The following CPT1A variants were observed in gnomAD, a reference collection of about 807,000 sequenced individuals.
CPT1A encodes the protein carnitine palmitoyltransferase 1A.
CPT1A carries 64 observed loss-of-function variants against 100.8 expected under a neutral mutation model. The ratio of observed to expected loss-of-function variants is 0.63; its 90% confidence interval spans 0.52 to 0.78. The LOEUF (loss-of-function observed/expected upper bound fraction) is 0.78, where lower values mean the gene tolerates loss of function less well. Ranked by LOEUF, CPT1A falls within the 30% of genes least tolerant of loss-of-function variation. The pLI, the probability that CPT1A is intolerant of heterozygous loss-of-function variation, is 0.00. For synonymous variants in CPT1A, 363 were observed against 396.0 expected (o/e 0.92, Z 0.99); for missense variants, 802 against 1,034.1 (o/e 0.78, Z 3.08).
intron 1 of CPT1A, among the ~76,000 whole-genome samples, chr11:68,840,055 GCT>G: frequency 6.6e-6 from 1 of 152,178 alleles, no homozygotes; most frequent in Non-Finnish European, 1.5e-5. Flanking sequence ...CAAGGTCTAG[GCT>G]AGCAATGCTT....
upstream of CPT1A, chr11:68,841,926 G>T: frequency 1.0e-6 from 1 of 984,748 alleles, no homozygotes; most frequent in Non-Finnish European, 1.2e-6. This position sits in a 1 kb window ranked among gnomAD's most constrained non-coding sequence, Gnocchi z 6.3. Flanking sequence ...TGGCTGAGGC[G>T]GGTCCGGCTG....
At chr11:68,790,552 A>AC (rs533057215) in intron 9 of CPT1A, among the ~76,000 whole-genome samples, 121 of 152,102 alleles carry the variant, frequency 8.0e-4, no homozygotes, top group Non-Finnish European at 1.3e-3. Flanking sequence ...GAGCACCTGG[A>AC]CCCCCCCAGA....
At chr11:68,809,333 TA>T (rs1266153892) in intron 3 of CPT1A, among the ~76,000 whole-genome samples, 2 of 152,166 alleles carry the variant, frequency 1.3e-5, no homozygotes, top group Non-Finnish European at 2.9e-5. Context: ...TATTTTAGCA[TA>T]AACAAATAAA....
chr11:68,762,824 A>G (rs893337450), intron 14 of CPT1A, 63 bp from the exon 15 acceptor site: 1 of 1,603,090 alleles, frequency 6.2e-7, no homozygotes, highest in African/African-American at 1.3e-5. Flanking sequence ...AACGTAAGGA[A>G]GGATTGGGTA....
rs779942842 is a variant in CPT1A, at chr11:68,781,668, C to T, written c.1352+103G>A. 18 of 1,020,674 alleles carry T rather than the reference C, an allele frequency of 1.8e-5. No individual in the cohort carries two copies. In the Admixed American group the frequency reaches 2.8e-4, roughly 16 times the overall value. 63.2% of individuals were successfully genotyped at this position (1,020,674 alleles called of 1,614,324 possible). ...GAAGGTTATATTTTTATGCCACCTT[C>T]TTTCTTAGCATTATAGATACTTAGG... On this transcript the variant is annotated intron_variant, in intron 11 of 18. Transcript: ENST00000265641.
chr11:68,824,275 A>G (rs1415315682), intron 1 of CPT1A, among the ~76,000 whole-genome samples: 4 of 151,666 alleles, frequency 2.6e-5, no homozygotes, highest in Non-Finnish European at 5.9e-5. Context: ...AAGAGAAAAA[A>G]GATGGAAATA....
intron 5 of CPT1A, among the ~76,000 whole-genome samples, chr11:68,801,297 G>A (rs76157940): frequency 0.01 from 1,550 of 152,204 alleles, 29 homozygotes; most frequent in African/African-American, 0.033. Flanking sequence ...AACAGGGGCC[G>A]TCATCAGCCC....
In CPT1A at chr11:68,806,205, T is replaced by A. The variant is rs186385234; in HGVS notation, c.453+1262A>T. ...TAATTTGCCTGGCTAATTTTTGTAT[T>A]TTTAGTAGAGACGTCTTTTTGCCAT... On this transcript the variant is annotated intron_variant, in intron 4 of 18. Coordinates refer to ENST00000265641, the MANE Select transcript of CPT1A (RefSeq NM_001876.4). 9.9e-5 allele frequency among the ~76,000 whole-genome samples: 15 copies of A among 152,086 alleles called. No homozygotes were observed. The South Asian group carries it at 2.9e-3, about 29-fold the overall frequency.
chr11:68,787,691 C>T (rs1855502190), intron 9 of CPT1A, among the ~76,000 whole-genome samples: 1 of 152,004 alleles, frequency 6.6e-6, no homozygotes, highest in Admixed American at 6.6e-5. Context: ...TCTATAATCC[C>T]AGCACTTTGG....
intron 9 of CPT1A, 104 bp downstream of exon 9, chr11:68,793,211 A>C: frequency 1.3e-6 from 1 of 744,914 alleles, no homozygotes; most frequent in South Asian, 1.8e-5. Context: ...CAATCTCAGG[A>C]AGGGTCAGCA....
intron 4 of CPT1A, among the ~76,000 whole-genome samples, chr11:68,805,366 G>C (rs546526371): frequency 2.0e-5 from 3 of 151,958 alleles, no homozygotes; most frequent in African/African-American, 7.3e-5. Context: ...TGAGAGAATC[G>C]CTTGAGCCCG....
At chr11:68,802,585 T>C (rs1855932501) in intron 5 of CPT1A, among the ~76,000 whole-genome samples, 1 of 150,722 alleles carries the variant, frequency 6.6e-6, no homozygotes, top group Admixed American at 6.6e-5. Context: ...AAAAAAAATA[T>C]TAGCCAGGCG....
At position 68,781,767 on chromosome 11, in the gene CPT1A, G is replaced by C; in HGVS notation, c.1352+4C>G. Reference sequence around the variant, plus strand: ...TCCTGTCTCTCAGAAGGTAAGGACGGTACCTGTCGTAACATCGGCCGTGTA... The same window carrying C: ...TCCTGTCTCTCAGAAGGTAAGGACGCTACCTGTCGTAACATCGGCCGTGTA... On this transcript the variant is annotated splice_donor_region_variant and intron_variant, in intron 11 of 18. Transcript: ENST00000265641. The C allele has an allele frequency of 1.9e-6, 3 of 1,614,124 alleles. No individual in the cohort carries two copies. Among genetic ancestry groups the C allele is most frequent in the Non-Finnish European group, 2.5e-6 (3 of 1,179,962 alleles).
At chr11:68,838,661 C>A (rs1158087913) in intron 1 of CPT1A, among the ~76,000 whole-genome samples, 1 of 150,840 alleles carries the variant, frequency 6.6e-6, no homozygotes, top group Non-Finnish European at 1.5e-5. Flanking sequence ...GCAGTCTCCA[C>A]CTCCTGGGCT....
chr11:68,802,089 G>C (rs1461455183), intron 5 of CPT1A, among the ~76,000 whole-genome samples: 1 of 152,156 alleles, frequency 6.6e-6, no homozygotes, highest in African/African-American at 2.4e-5. Context: ...ACAGACAGGA[G>C]ATTAGTGGTT....
In CPT1A at chr11:68,796,848, G is replaced by A; in HGVS notation, c.771+8C>T. 6.2e-7 allele frequency: 1 copy of A among 1,613,628 alleles called. No homozygotes were observed. Among genetic ancestry groups the A allele is most frequent in the South Asian group, 1.1e-5 (1 of 90,996 alleles). ...TCGTCAGACAGCAGCCCGGGCGGGT[G>A]GACTCACCATGGCATAATAGTTGCT... On this transcript the variant is annotated splice_region_variant and intron_variant, in intron 7 of 18. Transcript: ENST00000265641.
intron 1 of CPT1A, among the ~76,000 whole-genome samples, chr11:68,840,631 ACT>A (rs1303868441): frequency 6.6e-6 from 1 of 152,148 alleles, no homozygotes; most frequent in Non-Finnish European, 1.5e-5. Flanking sequence ...GGGATTTTTA[ACT>A]CTCTGAGTTG....
chr11:68,776,734 G>A (rs928737328), intron 12 of CPT1A, among the ~76,000 whole-genome samples: 2 of 152,104 alleles, frequency 1.3e-5, no homozygotes, highest in African/African-American at 4.8e-5. Flanking sequence ...CAAAAATTAG[G>A]TGGGTGTGGC....
chr11:68,838,572 T>TA lies in CPT1A; in HGVS notation c.-14+3202dup, dbSNP rs1210532617. Among the ~76,000 whole-genome samples, 31 of 95,522 alleles carry TA rather than the reference T, an allele frequency of 3.2e-4. 2 individuals carry two copies. Among genetic ancestry groups the TA allele is most frequent in the African/African-American group, 1.4e-3 (27 of 19,758 alleles). 62.7% of individuals were successfully genotyped at this position (95,522 alleles called of 152,430 possible). Reference sequence around the variant, plus strand: ...ACTCTACTCTGTATCTGCACCTTTTTAAAAAAAAAAAAAAAAAAACAGAGA... The same window carrying TA: ...ACTCTACTCTGTATCTGCACCTTTTTAAAAAAAAAAAAAAAAAAAACAGAGA... On this transcript the variant is annotated intron_variant, in intron 1 of 18. Coordinates refer to ENST00000265641, the MANE Select transcript of CPT1A (RefSeq NM_001876.4).
Sources: allele counts gnomAD v4.1 joint callset (sites outside exome capture counted in the v4.1 genomes callset), GRCh38; gene constraint gnomAD v4.1.1; non-coding constraint Gnocchi (gnomAD v3.1); transcripts MANE v1.5; gene names NCBI Gene and HGNC (gene_info 2026-07-23, HGNC 2026-07-21).